DKKL1: variants seen among roughly 807,000 people sequenced by gnomAD.
DKKL1 encodes the protein dickkopf-like protein 1.
A neutral mutation model predicts 16.5 loss-of-function variants in DKKL1; 11 were observed. That is an observed-to-expected ratio of 0.67 (90% confidence interval 0.42 to 1.10). DKKL1 has a LOEUF of 1.10. Ranked by LOEUF, DKKL1 falls within the 50% of genes least tolerant of loss-of-function variation. The pLI is 0.00. For synonymous variants in DKKL1, 119 were observed against 133.2 expected (o/e 0.89, Z 0.73); for missense variants, 320 against 308.1 (o/e 1.04, Z -0.29).
intron 4 of DKKL1, among the ~76,000 whole-genome samples, chr19:49,373,559 T>A (rs1973594189): frequency 6.6e-6 from 1 of 152,064 alleles, no homozygotes; most frequent in Non-Finnish European, 1.5e-5. Flanking sequence ...AGCCTCTGCC[T>A]CCCAGGTTCA....
At chr19:49,361,076 GGACAGAGACCCAAAAAGAGAGGGA>G, upstream of DKKL1, among the ~76,000 whole-genome samples, 1 of 128,222 alleles carries the variant, frequency 7.8e-6, no homozygotes, top group Non-Finnish European at 1.6e-5. Flanking sequence ...CCAGAGAGAG[GGACAGAGACCCAAAAAGAGAGGGA>G]GACAGAGACC....
intron 4 of DKKL1, among the ~76,000 whole-genome samples, chr19:49,373,373 A>T (rs985326667): frequency 6.6e-6 from 1 of 152,062 alleles, no homozygotes; most frequent in Non-Finnish European, 1.5e-5. Flanking sequence ...TTCACCAATT[A>T]TATCTTCAAT....
At chr19:49,361,259 GAC>G (rs1972899395), upstream of DKKL1, 1 of 150,164 alleles carries the variant, frequency 6.7e-6, no homozygotes, top group Non-Finnish European at 1.5e-5. Flanking sequence ...GGGGGACAGA[GAC>G]CCAGAGAGAG....
chr19:49,365,423 C>T (rs1973209725), intron 2 of DKKL1, 86 bp from the exon 3 acceptor site: 2 of 1,457,818 alleles, frequency 1.4e-6, no homozygotes, highest in African/African-American at 2.8e-5. Context: ...GGCAAGGCCT[C>T]GGGAGCATCC....
At chr19:49,360,762 CAGAGACCCAGAG>C (rs1972802894), upstream of DKKL1, among the ~76,000 whole-genome samples, 1 of 70,196 alleles carries the variant, frequency 1.4e-5, no homozygotes, top group Non-Finnish European at 2.6e-5. Context: ...GGGAGGGGGA[CAGAGACCCAGAG>C]AGGGGATGGG....
chr19:49,364,336 A>G (rs554289953), intron 1 of DKKL1, among the ~76,000 whole-genome samples: 1 of 137,124 alleles, frequency 7.3e-6, no homozygotes, highest in Admixed American at 7.7e-5. Context: ...TGGACTACAG[A>G]GTCTCGGTCT....
At chr19:49,362,987 C>T (rs1973065478), upstream of DKKL1, 1 of 137,136 alleles carries the variant, frequency 7.3e-6, no homozygotes, top group African/African-American at 2.8e-5. Context: ...TGACTGATTC[C>T]TATGACGACC....
At position 49,374,893 on chromosome 19, in the gene DKKL1, G is replaced by A. The variant is rs781448933; in HGVS notation, c.594G>A (p.Gln198=). ...TCAGCGAGAAGCGACACCGCCTGCA[G>A]GCCATCCGGGATGGACTCCGCAAGG... ...HWLSEKRHRL[Q]AIRDGLRKGT... The change falls in exon 5 of 5, where the codon CAG becomes CAA. Residue 198 remains glutamine, a synonymous_variant. Coordinates refer to ENST00000221498, the MANE Select transcript of DKKL1 (RefSeq NM_014419.4). 1 of 1,614,076 alleles carries A rather than the reference G, an allele frequency of 6.2e-7. No individual in the cohort carries two copies. The highest frequency in any genetic ancestry group is 1.1e-5 in the South Asian group (1 of 91,080).
upstream of DKKL1, chr19:49,363,796 G>A (rs1039217237): frequency 2.9e-6 from 2 of 696,366 alleles, no homozygotes; most frequent in Non-Finnish European, 5.0e-6. Context: ...CGGGCTCCTG[G>A]GTGAGGCCGG....
chr19:49,370,771 G>T lies in DKKL1; in HGVS notation c.418-3946G>T, dbSNP rs1476483422. Reference sequence around the variant, plus strand: ...ATGTAATGTGAAGGCACCCTAGGGAGTCCAGGTAAATGATTTCAAGGATGA... The same window carrying T: ...ATGTAATGTGAAGGCACCCTAGGGATTCCAGGTAAATGATTTCAAGGATGA... On this transcript the variant is annotated intron_variant, in intron 4 of 4. Transcript: ENST00000221498. The T allele has an allele frequency of 1.2e-4, 18 of 152,260 alleles. No individual in the cohort carries two copies. The East Asian group carries it at 3.1e-3, about 26-fold the overall frequency. 9.4% of individuals were successfully genotyped at this position (152,260 alleles called of 1,614,324 possible).
intron 3 of DKKL1, 21 bp downstream of exon 3, chr19:49,365,670 T>C: frequency 1.2e-6 from 2 of 1,604,474 alleles, no homozygotes; most frequent in Non-Finnish European, 1.7e-6. Context: ...AGGGAAGCCC[T>C]TCCTGAAGTC....
rs1188267831 is a variant in DKKL1, at chr19:49,363,918, C to A, written c.-81C>A. On this transcript the variant is annotated 5_prime_UTR_variant, in exon 1 of 5. Transcript: ENST00000221498. ...CCATAACTGTTTGGCTTTAACAGTA[C>A]GTGGGCGGCCGGAATCCGGGAGTCC... is the stretch of plus-strand genomic sequence containing the variant. 1.8e-5 allele frequency: 29 copies of A among 1,580,632 alleles called. No homozygotes were observed. The highest frequency in any genetic ancestry group is 1.7e-4 in the Middle Eastern group (1 of 6,028).
chr19:49,365,991 G>A (rs1163314279), intron 4 of DKKL1, 106 bp downstream of exon 4: 6 of 1,050,762 alleles, frequency 5.7e-6, no homozygotes, highest in African/African-American at 4.9e-5. Flanking sequence ...GCAGTGGCAC[G>A]ATCTTGGCTC....
chr19:49,369,436 A>G (rs889727219), intron 4 of DKKL1: 4 of 152,108 alleles, frequency 2.6e-5, no homozygotes, highest in Admixed American at 2.6e-4. Context: ...CGGCCTCCCA[A>G]AGTGCTGGGA....
At chr19:49,365,063 G>T (rs1973197082) in intron 2 of DKKL1, among the ~76,000 whole-genome samples, 1 of 152,186 alleles carries the variant, frequency 6.6e-6, no homozygotes, top group Admixed American at 6.5e-5. Flanking sequence ...CTGCTTGGGA[G>T]GCTGAGGCAG....
intron 4 of DKKL1, among the ~76,000 whole-genome samples, chr19:49,367,327 C>T (rs958555496): frequency 2.0e-5 from 3 of 151,532 alleles, no homozygotes; most frequent in East Asian, 1.9e-4. Flanking sequence ...TGAGCTACTG[C>T]GCCTGGCCCA....
chr19:49,364,866 G>A, intron 2 of DKKL1, 112 bp downstream of exon 2: 1 of 1,332,690 alleles, frequency 7.5e-7, no homozygotes, highest in Non-Finnish European at 1.0e-6. Context: ...GAGGGCAACA[G>A]GGAGACCAAG....
intron 4 of DKKL1, among the ~76,000 whole-genome samples, chr19:49,372,102 TA>T (rs557141625): frequency 9.3e-5 from 14 of 151,280 alleles, no homozygotes; most frequent in African/African-American, 2.7e-4. Flanking sequence ...GTCTTTATGG[TA>T]AAAAAAAATA....
At position 49,366,226 on chromosome 19, in the gene DKKL1, T is replaced by C. The variant is rs1973246445; in HGVS notation, c.417+341T>C. 2.0e-5 allele frequency among the ~76,000 whole-genome samples: 3 copies of C among 152,120 alleles called. No individual in the cohort carries two copies. The South Asian group carries it at 6.2e-4, about 32-fold the overall frequency. On this transcript the variant is annotated intron_variant, in intron 4 of 4. Transcript: ENST00000221498. The stretch of plus-strand genomic sequence containing the variant: ...GATTACAGGCATGAGCCACCATGCC[T>C]GGTGAGGCCCTAACATTTTCTGTAG...
Sources: allele counts gnomAD v4.1 joint callset (sites outside exome capture counted in the v4.1 genomes callset), GRCh38; gene constraint gnomAD v4.1.1; transcripts MANE v1.5; gene names NCBI Gene and HGNC (gene_info 2026-07-23, HGNC 2026-07-21).